CDC16: variants seen among roughly 807,000 people sequenced by gnomAD.
CDC16 encodes the protein cell division cycle protein 16 homolog.
A neutral mutation model predicts 87.0 loss-of-function variants in CDC16; 34 were observed. The ratio of observed to expected loss-of-function variants is 0.39; its 90% CI spans 0.30 to 0.52. The LOEUF is 0.52. Among genes scored for constraint, CDC16 ranks in the 20% least tolerant of loss-of-function variants. The pLI is 0.74. For synonymous variants in CDC16, 263 were observed against 260.6 expected, an observed-to-expected ratio of 1.01 and a Z score of -0.09; for missense variants, 653 against 751.9, an observed-to-expected ratio of 0.87 and a Z score of 1.54.
At position 114,272,505 on chromosome 13, in the gene CDC16, C is replaced by T; in HGVS notation, c.*62C>T. On this transcript the variant is annotated 3_prime_UTR_variant, in exon 18 of 18. Coordinates refer to ENST00000356221, the MANE Select transcript of CDC16 (RefSeq NM_001078645.3). Reference sequence around the variant, plus strand: ...AGGTTAGTATTCCTTCACATCCTCTCCATGGCTTAAGAATGTCCCACTTCC... The same window carrying T: ...AGGTTAGTATTCCTTCACATCCTCTTCATGGCTTAAGAATGTCCCACTTCC... 1 of 1,448,602 alleles carries T rather than the reference C, an allele frequency of 6.9e-7. No individual in the cohort carries two copies. The highest frequency in any genetic ancestry group is 1.3e-5 in the South Asian group (1 of 79,012). 89.7% of individuals were successfully genotyped at this position (1,448,602 alleles called of 1,614,324 possible).
At chr13:114,250,700 T>C in intron 12 of CDC16, 26 bp downstream of exon 12, 1 of 1,609,058 alleles carries the variant, frequency 6.2e-7, no homozygotes, top group Non-Finnish European at 8.5e-7. Context: ...CTCATCAAAC[T>C]CCATGAAGGG....
Position 114,236,645 on chromosome 13 carries a change from C to A in CDC16, c.49C>A (p.Gln17Lys). 3 of 1,604,204 alleles carry A rather than the reference C, an allele frequency of 1.9e-6. No homozygotes were observed. The highest frequency in any genetic ancestry group is 1.7e-5 in the Admixed American group (1 of 59,136). ...RKRVRQYLDQ[Q>K]QYQSALFWAD... ...ACCTTTTTTTTTTTTTGGTATGCAGCAACAGTATCAAAGTGCTCTATTTTG... is the reference window on the plus strand; with the variant it reads ...ACCTTTTTTTTTTTTTGGTATGCAGAAACAGTATCAAAGTGCTCTATTTTG... The change falls in exon 2 of 18, where the codon CAA becomes AAA. Residue 17 changes from glutamine to lysine, a missense_variant and splice_region_variant. Coordinates refer to ENST00000356221, the MANE Select transcript of CDC16 (RefSeq NM_001078645.3).
At chr13:114,262,226 A>G (rs1313027165) in intron 15 of CDC16, among the ~76,000 whole-genome samples, 1 of 152,206 alleles carries the variant, frequency 6.6e-6, no homozygotes, top group Admixed American at 6.5e-5. Context: ...AATCCTATCC[A>G]TAGTCTGTTT....
intron 14 of CDC16, among the ~76,000 whole-genome samples, chr13:114,260,102 C>A (rs1391411576): frequency 6.6e-6 from 1 of 152,198 alleles, no homozygotes; most frequent in Non-Finnish European, 1.5e-5. Context: ...ATTTTCACTT[C>A]TCAGCTTCCT....
At chr13:114,252,137 GCCCTGTTGGATAAGAGC>G in intron 12 of CDC16, among the ~76,000 whole-genome samples, 1 of 146,088 alleles carries the variant, frequency 6.8e-6, no homozygotes, top group African/African-American at 2.6e-5. Flanking sequence ...CCCTACACTA[GCCCTGTTGGATAAGAGC>G]CCTACACTAG....
At chr13:114,263,142 CT>C in intron 16 of CDC16, 128 bp downstream of exon 16, 1 of 769,496 alleles carries the variant, frequency 1.3e-6, no homozygotes, top group Non-Finnish European at 2.1e-6. Context: ...ACGTGTTATT[CT>C]TTTCTTTGCA....
chr13:114,234,939 C>G lies in CDC16; in HGVS notation c.-146C>G, dbSNP rs1234201448. 6.4e-6 allele frequency: 3 copies of G among 471,250 alleles called. No homozygotes were observed. The highest frequency in any genetic ancestry group is 4.5e-5 in the Admixed American group (1 of 22,272). 29.2% of individuals were successfully genotyped at this position (471,250 alleles called of 1,614,324 possible). ...TGGGGGGTGCGGGTGTGGGTGGGGA[C>G]CTGCGGCCTTCGAGTCCGCGGCCTT... is the stretch of plus-strand genomic sequence containing the variant. On this transcript the variant is annotated 5_prime_UTR_variant, in exon 1 of 18. Coordinates refer to ENST00000356221, the MANE Select transcript of CDC16 (RefSeq NM_001078645.3).
chr13:114,262,787 C>A (rs557951831), intron 15 of CDC16, 92 bp from the exon 16 acceptor site: 10 of 1,255,764 alleles, frequency 8.0e-6, no homozygotes. Flanking sequence ...ATTGAGACAG[C>A]GTTTCTTGGG....
At chr13:114,242,373 C>A in intron 6 of CDC16, 93 bp downstream of exon 6, 1 of 1,135,694 alleles carries the variant, frequency 8.8e-7, no homozygotes, top group Non-Finnish European at 1.3e-6. Context: ...AACAACAGGC[C>A]ACATACAGGT....
At chr13:114,237,442 A>T (rs1264122016) in intron 3 of CDC16, among the ~76,000 whole-genome samples, 3 of 152,014 alleles carry the variant, frequency 2.0e-5, no homozygotes, top group Admixed American at 2.0e-4. Context: ...GGTGCATGCC[A>T]CCACACCCAG....
chr13:114,258,243 ATTAAAAT>A (rs1471325886), intron 13 of CDC16, among the ~76,000 whole-genome samples: 4 of 152,240 alleles, frequency 2.6e-5, no homozygotes, highest in Non-Finnish European at 5.9e-5. Context: ...TTGCCTACTC[ATTAAAAT>A]TTATTTGTAA....
chr13:114,262,155 T>C (rs796090191), intron 15 of CDC16, among the ~76,000 whole-genome samples: 20 of 152,328 alleles, frequency 1.3e-4, no homozygotes, highest in African/African-American at 4.1e-4. Context: ...TTTACTTTTT[T>C]ATATGAAAAT....
At chr13:114,271,967 T>A (rs1434143912) in intron 17 of CDC16, among the ~76,000 whole-genome samples, 1 of 152,268 alleles carries the variant, frequency 6.6e-6, no homozygotes. Flanking sequence ...ATTGGAATGT[T>A]GTTTTCCTTC....
intron 12 of CDC16, among the ~76,000 whole-genome samples, chr13:114,251,849 C>A (rs1199069182): frequency 6.6e-6 from 1 of 152,218 alleles, no homozygotes; most frequent in African/African-American, 2.4e-5. Context: ...GGTGTCTCTT[C>A]CTCTTGTAAA....
intron 17 of CDC16, 51 bp downstream of exon 17, chr13:114,265,291 C>A: frequency 8.9e-7 from 1 of 1,125,564 alleles, no homozygotes; most frequent in South Asian, 1.2e-5. Flanking sequence ...TTTAGGTTGT[C>A]ATATGTCTCT....
Position 114,235,096 on chromosome 13 carries a change from GC to G in CDC16, c.13del (p.Arg5GlyfsTer25). 8.0e-7 allele frequency: 1 copy of G among 1,245,642 alleles called. No individual in the cohort carries two copies. The highest frequency in any genetic ancestry group is 3.6e-5 in the South Asian group (1 of 27,968). 77.2% of individuals were successfully genotyped at this position (1,245,642 alleles called of 1,614,324 possible). MNLE[R>X]LRKRVRQYLD... ...GGGCCCGCGCCGCCATGAACCTAGA[GC>G]GGCTGCGGAAGCGCGTCCGGCAGTA... On this transcript the variant is annotated frameshift_variant, in exon 1 of 18. Transcript: ENST00000356221. LOFTEE classifies it high-confidence loss of function.
At position 114,235,273 on chromosome 13, in the gene CDC16, C is replaced by T. The variant is rs944372883; in HGVS notation, c.48+141C>T. ...CTGGGCCTTCATCTGGGGCCAGCAG[C>T]GCTGTCTCCGCCTCGCCCAGAAGGG... On this transcript the variant is annotated intron_variant, in intron 1 of 17. Transcript: ENST00000356221. 1.5e-5 allele frequency: 8 copies of T among 536,694 alleles called. No individual in the cohort carries two copies. The Admixed American group carries it at 1.8e-4, about 12-fold the overall frequency. 33.2% of individuals were successfully genotyped at this position (536,694 alleles called of 1,614,324 possible).
chr13:114,263,495 A>G (rs2074397316), intron 16 of CDC16, among the ~76,000 whole-genome samples: 1 of 152,252 alleles, frequency 6.6e-6, no homozygotes, highest in Non-Finnish European at 1.5e-5. Flanking sequence ...ATTAAACTTT[A>G]ACATAATTTT....
intron 11 of CDC16, among the ~76,000 whole-genome samples, chr13:114,247,517 A>G (rs2081939194): frequency 6.6e-6 from 1 of 151,538 alleles, no homozygotes; most frequent in South Asian, 2.1e-4. Context: ...TGCCATGGGG[A>G]GAGAGAGAAA....
Sources: allele counts gnomAD v4.1 joint callset (sites outside exome capture counted in the v4.1 genomes callset), GRCh38; gene constraint gnomAD v4.1.1; transcripts MANE v1.5; gene names NCBI Gene and HGNC (gene_info 2026-07-23, HGNC 2026-07-21).